CDH12: variants seen among roughly 807,000 people sequenced by gnomAD.
CDH12 encodes the protein cadherin 12.
CDH12 carries 41 observed loss-of-function variants against 74.1 expected under a neutral mutation model. The observed-to-expected ratio is 0.55, with a 90% CI of 0.43 to 0.72. CDH12 has a LOEUF of 0.72. CDH12 is among the 30% of genes least tolerant of loss of function. The pLI is 0.00. For synonymous variants in CDH12, 399 were observed against 355.0 expected (o/e 1.12, Z -1.39); for missense variants, 945 against 977.2 (o/e 0.97, Z 0.44).
chr5:22,730,375 G>A (rs1057205360), intron 1 of CDH12, among the ~76,000 whole-genome samples: 2 of 151,594 alleles, frequency 1.3e-5, no homozygotes, highest in African/African-American at 4.8e-5. Context: ...AGCTATATTT[G>A]TTTTGTTTTT....
intron 1 of CDH12, chr5:22,580,274 T>C (rs1383053213): frequency 1.1e-5 from 4 of 367,828 alleles, no homozygotes; most frequent in African/African-American, 4.2e-5. Flanking sequence ...CATTCAAACA[T>C]TGGATGGCAA....
At chr5:22,852,285 T>C (rs768173702) in intron 1 of CDH12, among the ~76,000 whole-genome samples, 3 of 152,002 alleles carry the variant, frequency 2.0e-5, no homozygotes, top group African/African-American at 4.8e-5. Flanking sequence ...GGTCCCGATG[T>C]AGCAAAAAAC....
chr5:21,973,919 C>G (rs1319929686), intron 6 of CDH12, among the ~76,000 whole-genome samples: 1 of 152,036 alleles, frequency 6.6e-6, no homozygotes, highest in Non-Finnish European at 1.5e-5. Context: ...GTAGCAGGTA[C>G]TGAATAACAG....
In CDH12 at chr5:21,943,129, A is replaced by G. The variant is rs538972288; in HGVS notation, c.526+31962T>C. On this transcript the variant is annotated intron_variant, in intron 6 of 14. Coordinates refer to ENST00000382254, the MANE Select transcript of CDH12 (RefSeq NM_004061.5). Reference sequence around the variant, plus strand: ...AGACGTGCCTGTTTCCCCTTCCACCATGATTGTAAGTTCCCTGAGGCCTCC... The same window carrying G: ...AGACGTGCCTGTTTCCCCTTCCACCGTGATTGTAAGTTCCCTGAGGCCTCC... 1.4e-3 allele frequency among the ~76,000 whole-genome samples: 208 copies of G among 152,218 alleles called. 1 individual carries two copies. Among genetic ancestry groups the G allele is most frequent in the African/African-American group, 4.8e-3 (198 of 41,554 alleles).
At chr5:22,407,116 T>C (rs1013203531) in intron 2 of CDH12, among the ~76,000 whole-genome samples, 12 of 152,106 alleles carry the variant, frequency 7.9e-5, no homozygotes, top group African/African-American at 1.9e-4. Flanking sequence ...AGTAAAATTG[T>C]ACATCAATGT....
At chr5:22,484,667 G>A (rs959161433) in intron 2 of CDH12, among the ~76,000 whole-genome samples, 67 of 152,168 alleles carry the variant, frequency 4.4e-4, no homozygotes, top group African/African-American at 1.6e-3. Context: ...TGCCAGCACC[G>A]ACAAAGTATA....
chr5:21,825,722 A>G (rs1476568280), intron 8 of CDH12, among the ~76,000 whole-genome samples: 1 of 152,172 alleles, frequency 6.6e-6, no homozygotes, highest in Non-Finnish European at 1.5e-5. Context: ...TCCAGTGGCA[A>G]TGTCTTAGCA....
chr5:21,967,119 A>C (rs1188193705), intron 6 of CDH12, among the ~76,000 whole-genome samples: 1 of 151,914 alleles, frequency 6.6e-6, no homozygotes, highest in African/African-American at 2.4e-5. Context: ...ACAATGAAAA[A>C]CAAAAATTAT....
At chr5:22,576,033 A>T (rs898573386) in intron 1 of CDH12, among the ~76,000 whole-genome samples, 1 of 152,090 alleles carries the variant, frequency 6.6e-6, no homozygotes, top group African/African-American at 2.4e-5. Context: ...GGCCTGAAAC[A>T]CTTCTTTACA....
intron 1 of CDH12, among the ~76,000 whole-genome samples, chr5:22,771,385 A>G (rs1238471846): frequency 6.6e-6 from 1 of 152,124 alleles, no homozygotes; most frequent in Non-Finnish European, 1.5e-5. Context: ...AGGATATAAA[A>G]CCTGAAAGAA....
intron 4 of CDH12, among the ~76,000 whole-genome samples, chr5:22,178,577 G>A (rs1749464941): frequency 6.6e-6 from 1 of 152,046 alleles, no homozygotes; most frequent in South Asian, 2.1e-4. Flanking sequence ...CTAGATAAAT[G>A]CTGTTAACAT....
At chr5:22,326,326 C>G (rs906136490) in intron 3 of CDH12, among the ~76,000 whole-genome samples, 6 of 152,188 alleles carry the variant, frequency 3.9e-5, no homozygotes, top group South Asian at 2.1e-4. Context: ...GCTCCGCCCC[C>G]CGGGGTTCAC....
chr5:21,851,645 A>G (rs193054440), intron 7 of CDH12, among the ~76,000 whole-genome samples: 1 of 151,312 alleles, frequency 6.6e-6, no homozygotes, highest in African/African-American at 2.4e-5. Context: ...CTCAGAGTAA[A>G]TTATTTCATA....
At chr5:21,912,407 T>C (rs9293002) in intron 6 of CDH12, among the ~76,000 whole-genome samples, 146,463 of 152,070 alleles carry the variant, frequency 0.96, 70,676 homozygotes, top group East Asian at 1. Context: ...CATAATGAGA[T>C]TTTAAATGGA....
chr5:21,887,325 T>C (rs1752681859), intron 6 of CDH12, among the ~76,000 whole-genome samples: 1 of 152,142 alleles, frequency 6.6e-6, no homozygotes, highest in Non-Finnish European at 1.5e-5. Context: ...CAGTTGATAG[T>C]GATGGACAAA....
At chr5:21,920,821 T>C (rs1223896372) in intron 6 of CDH12, among the ~76,000 whole-genome samples, 1 of 152,068 alleles carries the variant, frequency 6.6e-6, no homozygotes, top group Non-Finnish European at 1.5e-5. Context: ...TTTTATTTCA[T>C]TTTTCTGAAC....
chr5:22,294,226 T>G (rs1737526693), intron 3 of CDH12, among the ~76,000 whole-genome samples: 1 of 152,092 alleles, frequency 6.6e-6, no homozygotes, highest in South Asian at 2.1e-4. Context: ...CAAGGACTGA[T>G]GATGATTGAG....
chr5:22,105,082 A>C (rs1309541276), intron 4 of CDH12, among the ~76,000 whole-genome samples: 1 of 151,240 alleles, frequency 6.6e-6, no homozygotes, highest in Non-Finnish European at 1.5e-5. Flanking sequence ...CTCTGTTTCC[A>C]AATTTCTGCT....
intron 5 of CDH12, among the ~76,000 whole-genome samples, chr5:22,060,825 A>C (rs1366387174): frequency 1.3e-5 from 2 of 152,172 alleles, no homozygotes; most frequent in Admixed American, 6.6e-5. Flanking sequence ...TAAAATAGAG[A>C]AAATGTCACG....
Sources: allele counts gnomAD v4.1 joint callset (sites outside exome capture counted in the v4.1 genomes callset), GRCh38; gene constraint gnomAD v4.1.1; transcripts MANE v1.5; gene names NCBI Gene and HGNC (gene_info 2026-07-23, HGNC 2026-07-21).